Variants in NUMA1 observed in about 807,000 individuals in gnomAD.
The protein encoded by NUMA1 is SP-H antigen.
Under a neutral mutation model 237.1 loss-of-function variants are expected in NUMA1, and 62 were observed. The ratio of observed to expected loss-of-function variants is 0.26; its 90% confidence interval spans 0.21 to 0.32. The LOEUF is 0.32. Ranked by LOEUF, NUMA1 falls within the 10% of genes least tolerant of loss-of-function variation. The probability of loss-of-function intolerance (pLI) is 1.00; values close to 1 mark genes in which losing one functional copy is unlikely to be tolerated. For synonymous variants in NUMA1, 1,028 were observed against 1,066.1 expected (o/e 0.96, Z 0.70); for missense variants, 2,533 against 2,666.5 (o/e 0.95, Z 1.10).
rs1955557306 is a variant in NUMA1 at position 72,004,667 on chromosome 11, C to T, written c.5979G>A (p.Glu1993=). 1.9e-6 allele frequency: 3 copies of T among 1,613,116 alleles called. No homozygotes were observed. The highest frequency in any genetic ancestry group is 2.2e-5 in the East Asian group (1 of 44,860). ...TRQQRKRVSL[E]PHQGPGTPES... is the part of the protein sequence containing the mutation. ...CAGGAGTTCCAGGGCCCTGGTGGGG[C>T]TCTAGGGAGACCCGTTTGCGCTGCT... Residue 1993 remains glutamate, a synonymous_variant, in exon 24 of 27, where the codon GAG becomes GAA. Coordinates refer to ENST00000393695, the MANE Select transcript of NUMA1 (RefSeq NM_006185.4).
At chr11:72,027,009 A>C (rs575604484) in intron 4 of NUMA1, among the ~76,000 whole-genome samples, 10 of 152,276 alleles carry the variant, frequency 6.6e-5, no homozygotes, top group African/African-American at 2.4e-4. Flanking sequence ...GAGCATCTTG[A>C]ATTTTTGGCC....
At chr11:72,063,042 G>A (rs1473104711) in intron 2 of NUMA1, among the ~76,000 whole-genome samples, 1 of 152,152 alleles carries the variant, frequency 6.6e-6, no homozygotes, top group Admixed American at 6.5e-5. Context: ...TTGCACTCCA[G>A]CCTGGGCAAC....
chr11:72,021,646 C>T (rs559888629), intron 7 of NUMA1, among the ~76,000 whole-genome samples: 1 of 152,222 alleles, frequency 6.6e-6, no homozygotes, highest in African/African-American at 2.4e-5. Context: ...CTTGCTCTGT[C>T]ACCCAGGCTG....
rs369004761 is a variant in NUMA1, at chr11:72,016,069, G to A, written c.1434C>T (p.Leu478=). The change falls in exon 15 of 27, where the codon CTC becomes CTT. Residue 478 remains leucine (L), a synonymous_variant. Coordinates refer to ENST00000393695, the MANE Select transcript of NUMA1 (RefSeq NM_006185.4). ...GCTCCAGCTCTTCCTTGGCCTGGCT[G>A]AGGTTGGAGATGGAGCTCTGCAGGT... is the stretch of plus-strand genomic sequence containing the variant. ...ITDLQSSISN[L]SQAKEELEQA... The A allele has an allele frequency of 2.7e-5, 44 of 1,614,030 alleles. 1 individual carries two copies. In the African/African-American group the frequency reaches 5.3e-4, roughly 20 times the overall value.
chr11:72,016,906 A>G (rs915258054), intron 13 of NUMA1: 23 of 202,852 alleles, frequency 1.1e-4, no homozygotes, highest in Non-Finnish European at 1.0e-5. Flanking sequence ...AGCAACCCCC[A>G]GTCCCAAACC....
At chr11:72,057,907 T>C (rs1443290914) in intron 2 of NUMA1, among the ~76,000 whole-genome samples, 2 of 132,690 alleles carry the variant, frequency 1.5e-5, no homozygotes, top group Non-Finnish European at 3.3e-5. Flanking sequence ...CTGTCTCTAT[T>C]AAAAAAAAAA....
At chr11:72,063,954 A>T (rs1266780359) in intron 2 of NUMA1, among the ~76,000 whole-genome samples, 1 of 137,126 alleles carries the variant, frequency 7.3e-6, no homozygotes, top group African/African-American at 2.6e-5. Context: ...AAAAAGAATT[A>T]AAAAAAAAAA....
chr11:72,018,110 C>T lies in NUMA1; in HGVS notation c.978+73G>A. ...ACAGGTGCTGGGACATTCTTCTCAA[C>T]CCTCTCTTGGGGAGCCTTCCAGACC... On this transcript the variant is annotated intron_variant, in intron 12 of 26. Transcript: ENST00000393695. The T allele has an allele frequency of 4.4e-6, 5 of 1,131,482 alleles. No homozygotes were observed. The South Asian group carries it at 4.9e-5, about 11-fold the overall frequency. The allele number at this position is 1,131,482 out of a possible 1,614,324, so 70.1% of individuals were successfully genotyped here.
chr11:72,014,298 G>C lies in NUMA1; in HGVS notation c.3205C>G (p.Leu1069Val). The C allele has an allele frequency of 1.2e-6, 2 of 1,613,920 alleles. No individual in the cohort carries two copies. The highest frequency in any genetic ancestry group is 1.7e-6 in the Non-Finnish European group (2 of 1,180,044). The change falls in exon 15 of 27, where the codon CTT (leucine) becomes GTT (valine). Residue 1069 changes from leucine (L) to valine (V), a missense_variant. By Grantham distance (32) the Leu-to-Val change is conservative. This residue lies in a region of NUMA1 where 1,414 missense variants were observed against 1,508.1 expected (regional missense o/e 0.94). Coordinates refer to ENST00000393695, the MANE Select transcript of NUMA1 (RefSeq NM_006185.4). This position sits in a 1 kb window ranked among gnomAD's most constrained non-coding sequence, Gnocchi z 4.6. ...ATCTGGGCTGCCTCCAGACCACGAA[G>C]CTTGGCCAACTCCTGGTCCTTGCCT... ...KEGKDQELAK[L>V]RGLEAAQIKE...
chr11:72,047,213 T>C (rs1205016427), intron 2 of NUMA1, among the ~76,000 whole-genome samples: 1 of 152,140 alleles, frequency 6.6e-6, no homozygotes, highest in Non-Finnish European at 1.5e-5. Flanking sequence ...CTCATGCCCG[T>C]AATCCCAGAA....
chr11:72,068,845 A>G (rs1054821661), intron 2 of NUMA1, among the ~76,000 whole-genome samples: 1 of 152,230 alleles, frequency 6.6e-6, no homozygotes, highest in Admixed American at 6.5e-5. Flanking sequence ...AGTCTACTCC[A>G]TGTGAGACAA....
rs374216599 is a variant in NUMA1, at chr11:72,015,760, A to G, written c.1743T>C (p.His581=). 58 of 1,614,052 alleles carry G rather than the reference A, an allele frequency of 3.6e-5. No individual in the cohort carries two copies. The African/African-American group carries it at 5.3e-4, about 15-fold the overall frequency. Residue 581 remains histidine, a synonymous_variant, in exon 15 of 27, where the codon CAT becomes CAC. Transcript: ENST00000393695. This position sits in a 1 kb window ranked among gnomAD's most constrained non-coding sequence, Gnocchi z 4.0. ...AEKQEATRQD[H]AQQLATAAEE... ...CTGCAGCAGTGGCCAGTTGCTGGGC[A>G]TGGTCCTGCCTAGTTGCCTCCTGCT...
rs774853264 is a variant in NUMA1, at chr11:72,058,039, AC to A, written c.-33+11802del. On this transcript the variant is annotated intron_variant, in intron 2 of 26. Transcript: ENST00000393695. ...TGAGCCAAGATTGTGCCACTGCATT[AC>A]AGCCTGGGCAACAAGAGCAAAACTA... Among the ~76,000 whole-genome samples the A allele has an allele frequency of 1.7e-3, 253 of 152,258 alleles. 3 individuals are homozygous for A. Among genetic ancestry groups the A allele is most frequent in the Non-Finnish European group, 1.6e-3 (109 of 68,016 alleles).
chr11:72,010,780 C>A lies in NUMA1; in HGVS notation c.4719+6G>T, dbSNP rs374539191. On this transcript the variant is annotated splice_donor_region_variant and intron_variant, in intron 17 of 26. Transcript: ENST00000393695. Reference sequence around the variant, plus strand: ...GAGGCCAGACCCATTCCCCCAGCTGCCCCACCTTCAGCTTCTGCTGCTGCA... The same window carrying A: ...GAGGCCAGACCCATTCCCCCAGCTGACCCACCTTCAGCTTCTGCTGCTGCA... 1 of 1,612,850 alleles carries A rather than the reference C, an allele frequency of 6.2e-7. No individual in the cohort carries two copies. Among genetic ancestry groups the A allele is most frequent in the Non-Finnish European group, 8.5e-7 (1 of 1,179,786 alleles).
At chr11:72,018,615 A>G in intron 10 of NUMA1, 102 bp from the exon 11 acceptor site, 3 of 1,107,924 alleles carry the variant, frequency 2.7e-6, no homozygotes, top group Non-Finnish European at 4.0e-6. Context: ...AGGAGACGGC[A>G]TAGGGAAGAG....
chr11:72,045,787 T>TA (rs1941959572), intron 2 of NUMA1, among the ~76,000 whole-genome samples: 1 of 152,120 alleles, frequency 6.6e-6, no homozygotes, highest in African/African-American at 2.4e-5. Flanking sequence ...TGGCCAAACT[T>TA]AATTTAAAGA....
intron 2 of NUMA1, among the ~76,000 whole-genome samples, chr11:72,046,457 T>C (rs1312751447): frequency 6.6e-6 from 1 of 151,810 alleles, no homozygotes; most frequent in Admixed American, 6.6e-5. Flanking sequence ...GGCAGGAGAA[T>C]TGCTTGAATC....
At chr11:72,052,084 G>A (rs1942391539) in intron 2 of NUMA1, among the ~76,000 whole-genome samples, 2 of 152,206 alleles carry the variant, frequency 1.3e-5, no homozygotes, top group Non-Finnish European at 2.9e-5. Flanking sequence ...TGCACTGCCA[G>A]GGCAGGGGCA....
At chr11:72,049,560 A>AATATATATATATATATATATATATAT (rs1555034472) in intron 2 of NUMA1, 3 of 41,010 alleles carry the variant, frequency 7.3e-5, no homozygotes, top group African/African-American at 2.5e-4. Flanking sequence ...AAATAATAAT[A>AATATATATATATATATATATATATAT]ATATATATAT....
Sources: gnomAD v4.1 joint callset for allele counts (sites outside exome capture counted in the v4.1 genomes callset) on GRCh38, gnomAD v4.1.1 for gene constraint, gnomAD v4.1.1 regional missense constraint, Gnocchi (gnomAD v3.1) non-coding constraint, MANE v1.5 for transcripts, NCBI Gene and HGNC (gene_info 2026-07-23, HGNC 2026-07-21) for gene names.